CCDC170: variants seen among roughly 807,000 people sequenced by gnomAD.
CCDC170 encodes the protein coiled-coil domain-containing protein 170.
A neutral mutation model predicts 72.6 loss-of-function variants in CCDC170; 69 were observed. The ratio of observed to expected loss-of-function variants is 0.95; its 90% CI spans 0.78 to 1.16. The LOEUF (loss-of-function observed/expected upper bound fraction) is 1.16. CCDC170 is among the 50% of genes most tolerant of loss of function. The pLI, the probability that CCDC170 is intolerant of heterozygous loss-of-function variation, is 0.00. For missense variants in CCDC170, 852 were observed against 832.5 expected, an observed-to-expected ratio of 1.02 and a Z score of -0.29; for synonymous variants, 300 against 303.9, an observed-to-expected ratio of 0.99 and a Z score of 0.13.
At chr6:151,530,393 C>G in intron 1 of CCDC170, among the ~76,000 whole-genome samples, 1 of 150,580 alleles carries the variant, frequency 6.6e-6, no homozygotes, top group East Asian at 1.9e-4. Flanking sequence ...ATTAGCATGT[C>G]TTTCTTATAG....
intron 1 of CCDC170, among the ~76,000 whole-genome samples, chr6:151,497,244 C>T (rs991978539): frequency 6.6e-6 from 1 of 152,048 alleles, no homozygotes; most frequent in Non-Finnish European, 1.5e-5. Flanking sequence ...ACAAAAAGTA[C>T]CCAGGCATGG....
chr6:151,573,466 A>G lies in CCDC170; in HGVS notation c.1067A>G (p.Asp356Gly), dbSNP rs376893527. Residue 356 changes from aspartate to glycine, a missense_variant, in exon 6 of 11, where the codon GAC (aspartate) becomes GGC (glycine). Transcript: ENST00000239374. ...ATTTTGGAGAAGATTCGAGAAATGG[A>G]CAGCCGGGAAGAAAGCAGGGACCGG... ...DTILEKIREMDSREESRDRMV... is the reference protein window; with the variant it reads ...DTILEKIREMGSREESRDRMV... The G allele has an allele frequency of 3.1e-6, 5 of 1,613,944 alleles. No homozygotes were observed. The highest frequency in any genetic ancestry group is 4.2e-6 in the Non-Finnish European group (5 of 1,179,914).
chr6:151,541,303 A>C (rs1196415836), intron 3 of CCDC170, among the ~76,000 whole-genome samples: 7 of 152,122 alleles, frequency 4.6e-5, no homozygotes, highest in African/African-American at 1.7e-4. Context: ...TAGTCCTATT[A>C]TGATGTACTA....
At chr6:151,511,005 G>T (rs1256552061) in intron 1 of CCDC170, among the ~76,000 whole-genome samples, 2 of 152,084 alleles carry the variant, frequency 1.3e-5, no homozygotes, top group African/African-American at 4.8e-5. Flanking sequence ...CAAAGTGCTG[G>T]GATTTCAGGT....
intron 5 of CCDC170, among the ~76,000 whole-genome samples, chr6:151,558,031 T>TA (rs1783012593): frequency 1.3e-5 from 2 of 152,146 alleles, no homozygotes; most frequent in East Asian, 1.9e-4. Flanking sequence ...GCTTGGGAGG[T>TA]GAGGTTGCAC....
At chr6:151,503,515 C>G (rs1051342853) in intron 1 of CCDC170, among the ~76,000 whole-genome samples, 1 of 151,940 alleles carries the variant, frequency 6.6e-6, no homozygotes, top group Non-Finnish European at 1.5e-5. Context: ...TGCAATGGTG[C>G]GATCACAGCT....
chr6:151,529,666 A>C (rs1782466173), intron 1 of CCDC170, among the ~76,000 whole-genome samples: 1 of 152,062 alleles, frequency 6.6e-6, no homozygotes, highest in Admixed American at 6.6e-5. Context: ...AAAAACAAAA[A>C]CAAAAACAAA....
intron 9 of CCDC170, among the ~76,000 whole-genome samples, chr6:151,610,766 G>A (rs1319321905): frequency 6.6e-6 from 1 of 152,162 alleles, no homozygotes. Context: ...CCTGTCTCAG[G>A]TGCCTGCTCT....
chr6:151,504,225 T>G (rs905029464), intron 1 of CCDC170, among the ~76,000 whole-genome samples: 11 of 152,182 alleles, frequency 7.2e-5, no homozygotes, highest in African/African-American at 2.7e-4. Flanking sequence ...GTTCTCACAA[T>G]TGGTTAATCA....
chr6:151,533,281 C>T lies in CCDC170; in HGVS notation c.58-3037C>T, dbSNP rs1243293610. ...ATGTTAGCCAGGATGGTCTCGATCT[C>T]CTGACCTTGTGATCTGCCCGCCTTG... is the stretch of plus-strand genomic sequence containing the variant. On this transcript the variant is annotated intron_variant, in intron 1 of 10. Coordinates refer to ENST00000239374, the MANE Select transcript of CCDC170 (RefSeq NM_025059.4). Among the ~76,000 whole-genome samples, 5 of 151,786 alleles carry T rather than the reference C, an allele frequency of 3.3e-5. No homozygotes were observed. The East Asian group carries it at 6.0e-4, about 18-fold the overall frequency.
intron 1 of CCDC170, among the ~76,000 whole-genome samples, chr6:151,529,995 G>GAATAACAGCATCAACCCATA (rs1426846223): frequency 5.3e-5 from 8 of 152,122 alleles, no homozygotes; most frequent in African/African-American, 1.9e-4. Flanking sequence ...CCTACTCCCA[G>GAATAACAGCATCAACCCATA]AATAACAGCA....
In CCDC170 at chr6:151,544,767, T is replaced by C. The variant is rs375072800; in HGVS notation, c.588+51T>C. 1.0e-4 allele frequency: 159 copies of C among 1,554,276 alleles called. 3 individuals carry two copies. The Middle Eastern group carries it at 5.7e-3, about 55-fold the overall frequency. ...TATAAATGTAGTGGTGATTCTGACATGTGGCATGAAAGGAAGTGCTGTGGT... is the reference window on the plus strand; with the variant it reads ...TATAAATGTAGTGGTGATTCTGACACGTGGCATGAAAGGAAGTGCTGTGGT... On this transcript the variant is annotated intron_variant, in intron 4 of 10. Transcript: ENST00000239374.
intron 2 of CCDC170, among the ~76,000 whole-genome samples, chr6:151,537,323 C>T (rs763753804): frequency 1.3e-5 from 2 of 152,122 alleles, no homozygotes; most frequent in Non-Finnish European, 2.9e-5. Context: ...CCCCATAGAA[C>T]GATGAGTTGA....
intron 6 of CCDC170, among the ~76,000 whole-genome samples, chr6:151,584,980 A>G (rs1318175392): frequency 6.6e-6 from 1 of 152,214 alleles, no homozygotes; most frequent in East Asian, 1.9e-4. Flanking sequence ...CTCTTCCAAA[A>G]TAAACCATCG....
intron 1 of CCDC170, among the ~76,000 whole-genome samples, chr6:151,515,044 G>C (rs1161394505): frequency 6.6e-6 from 1 of 152,220 alleles, no homozygotes. Context: ...CTGAACAAGA[G>C]GTCTTGGAAA....
At chr6:151,575,559 T>C (rs1284905011) in intron 6 of CCDC170, among the ~76,000 whole-genome samples, 1 of 117,328 alleles carries the variant, frequency 8.5e-6, no homozygotes. Flanking sequence ...AGATGGAGTC[T>C]CGCTCTGTCA....
At chr6:151,579,588 G>C (rs1776353322) in intron 6 of CCDC170, among the ~76,000 whole-genome samples, 1 of 152,138 alleles carries the variant, frequency 6.6e-6, no homozygotes, top group South Asian at 2.1e-4. Context: ...AGCACCCTCA[G>C]GTCCAGATGG....
chr6:151,595,156 GCTTGAACA>G (rs1481653452), intron 8 of CCDC170, among the ~76,000 whole-genome samples: 3 of 152,140 alleles, frequency 2.0e-5, no homozygotes, highest in Non-Finnish European at 2.9e-5. Flanking sequence ...ATGGTCTTCA[GCTTGAACA>G]CTTGATAATA....
chr6:151,616,496 T>C (rs1302767063), intron 10 of CCDC170, among the ~76,000 whole-genome samples: 1 of 151,910 alleles, frequency 6.6e-6, no homozygotes, highest in Non-Finnish European at 1.5e-5. Flanking sequence ...GCCTCTGTTT[T>C]GGTTCATGTG....
Sources: gnomAD v4.1 joint callset for allele counts (sites outside exome capture counted in the v4.1 genomes callset) on GRCh38, gnomAD v4.1.1 for gene constraint, MANE v1.5 for transcripts, NCBI Gene and HGNC (gene_info 2026-07-23, HGNC 2026-07-21) for gene names.